Variants in DNAJC5G observed in about 807,000 individuals in gnomAD.
DNAJC5G encodes the protein dnaJ homolog subfamily C member 5G.
DNAJC5G carries 13 observed loss-of-function variants against 19.1 expected under a neutral mutation model. The observed-to-expected ratio is 0.68, with a 90% confidence interval of 0.44 to 1.08. DNAJC5G has a LOEUF of 1.08. Among genes scored for constraint, DNAJC5G ranks in the 50% least tolerant of loss-of-function variants. The probability of loss-of-function intolerance (pLI) is 0.00; values close to 1 mark genes in which losing one functional copy is unlikely to be tolerated. For missense variants in DNAJC5G, 245 were observed against 230.4 expected (o/e 1.06, Z -0.41); for synonymous variants, 81 against 84.4 (o/e 0.96, Z 0.22).
Position 27,276,271 on chromosome 2 carries a change from A to T in DNAJC5G, c.-120A>T, listed in dbSNP as rs117552569. The T allele has an allele frequency of 6.5e-6, 1 of 153,034 alleles. No individual in the cohort carries two copies. Among genetic ancestry groups the T allele is most frequent in the Admixed American group, 6.5e-5 (1 of 15,308 alleles). The allele number at this position is 153,034 out of a possible 1,614,324, so 9.5% of individuals were successfully genotyped here. A position where few individuals can be genotyped will look rare whatever the true frequency, so the allele number is the denominator to read the frequency against. On this transcript the variant is annotated 5_prime_UTR_variant, in exon 2 of 7. Transcript: ENST00000296097. ...CAAAAAACTCCGTCAAAAAAAAAAA[A>T]AAGAAGAAGAAGTTGTGGAGCTGTC...
intron 3 of DNAJC5G, among the ~76,000 whole-genome samples, chr2:27,277,170 G>A (rs563367579): frequency 3.8e-4 from 58 of 152,176 alleles, no homozygotes; most frequent in African/African-American, 1.1e-3. Flanking sequence ...TCAAACTCCT[G>A]ACCTCAGGTG....
In DNAJC5G at chr2:27,276,133, C is replaced by A. The variant is rs1028325346; in HGVS notation, c.-258C>A. On this transcript the variant is annotated 5_prime_UTR_variant, in exon 2 of 7. Coordinates refer to ENST00000296097, the MANE Select transcript of DNAJC5G (RefSeq NM_173650.3). ...AATTAGCCGGGCGTGGTGGCGTGCA[C>A]CTGTAATCTCAGCTACTCGGGAGGC... The A allele has an allele frequency of 2.0e-5, 3 of 152,206 alleles. No individual in the cohort carries two copies. The highest frequency in any genetic ancestry group is 6.6e-5 in the Admixed American group (1 of 15,250). The allele number at this position is 152,206 out of a possible 1,614,324, so 9.4% of individuals were successfully genotyped here. A position where few individuals can be genotyped will look rare whatever the true frequency, so the allele number is the denominator to read the frequency against.
At position 27,276,378 on chromosome 2, in the gene DNAJC5G, T is replaced by C. The variant is rs1350980288; in HGVS notation, c.-13T>C. 1 of 186,326 alleles carries C rather than the reference T, an allele frequency of 5.4e-6. No individual in the cohort carries two copies. The highest frequency in any genetic ancestry group is 1.5e-4 in the East Asian group (1 of 6,724). The allele number at this position is 186,326 out of a possible 1,614,324, so 11.5% of individuals were successfully genotyped here. On this transcript the variant is annotated 5_prime_UTR_variant, in exon 2 of 7. Transcript: ENST00000296097. ...GTGAGCTTGGACAGACCCAGAGGTG[T>C]TTACTCCAGGTAATAGGAGCTCTAG...
chr2:27,278,375 A>G (rs2148177059), intron 5 of DNAJC5G, 43 bp downstream of exon 5: 1 of 1,609,740 alleles, frequency 6.2e-7, no homozygotes, highest in East Asian at 2.2e-5. Context: ...AAATGTCTGG[A>G]TTGGGAATGA....
At chr2:27,276,880 C>A in intron 3 of DNAJC5G, 39 bp downstream of exon 3, 2 of 1,546,396 alleles carry the variant, frequency 1.3e-6, no homozygotes, top group Non-Finnish European at 1.8e-6. Context: ...TGGAATTTCC[C>A]CCTTAAACCT....
chr2:27,279,026 A>C (rs539614044), intron 5 of DNAJC5G, among the ~76,000 whole-genome samples: 1 of 151,784 alleles, frequency 6.6e-6, no homozygotes, highest in Non-Finnish European at 1.5e-5. Flanking sequence ...AAAAAAAGAA[A>C]GAAAGAAATG....
chr2:27,278,924 G>A (rs1340966044), intron 5 of DNAJC5G, among the ~76,000 whole-genome samples: 1 of 149,028 alleles, frequency 6.7e-6, no homozygotes, highest in Non-Finnish European at 1.5e-5. Context: ...AGAATTGCTT[G>A]AACCCGGGAG....
chr2:27,280,157 C>T lies in DNAJC5G; in HGVS notation c.521-9C>T, dbSNP rs745403864. On this transcript the variant is annotated splice_polypyrimidine_tract_variant and intron_variant, in intron 5 of 6. Coordinates refer to ENST00000296097, the MANE Select transcript of DNAJC5G (RefSeq NM_173650.3). ...TGTATATGTAAACATATATATAATT[C>T]CATCATAGGAGCCAAATGTGATTTT... 6.2e-7 allele frequency: 1 copy of T among 1,613,112 alleles called. No individual in the cohort carries two copies. The highest frequency in any genetic ancestry group is 2.2e-5 in the East Asian group (1 of 44,860).
chr2:27,276,488 TGGA>T (rs1215201419), intron 2 of DNAJC5G, 101 bp downstream of exon 2: 2 of 466,010 alleles, frequency 4.3e-6, no homozygotes, highest in African/African-American at 4.0e-5. Flanking sequence ...TCTGTGTAGC[TGGA>T]GGATGCTGGG....
intron 6 of DNAJC5G, 47 bp downstream of exon 6, chr2:27,280,280 G>A (rs1389456749): frequency 6.7e-7 from 1 of 1,497,072 alleles, no homozygotes; most frequent in Non-Finnish European, 9.3e-7. Context: ...AGAAAAGCAT[G>A]TAAGCTAACG....
rs141546081 is a variant in DNAJC5G, at chr2:27,277,827, G to A, written c.187G>A (p.Asp63Asn). 6.9e-5 allele frequency: 112 copies of A among 1,614,032 alleles called. No individual in the cohort carries two copies. Among genetic ancestry groups the A allele is most frequent in the Admixed American group, 5.0e-4 (30 of 60,000 alleles). ...GRKLALRYHP[D>N]KNPGNAQAAE... ...GAAACTGGCCTTGCGGTATCATCCC[G>A]ACAAGAATCCAGGGAATGCTCAAGC... is the stretch of plus-strand genomic sequence containing the variant. Residue 63 changes from aspartate to asparagine, a missense_variant, in exon 4 of 7, where the codon GAC becomes AAC. Asp to Asn is a conservative substitution (Grantham distance 23). Coordinates refer to ENST00000296097, the MANE Select transcript of DNAJC5G (RefSeq NM_173650.3).
chr2:27,277,087 G>A (rs1220411257), intron 3 of DNAJC5G, among the ~76,000 whole-genome samples: 3 of 151,934 alleles, frequency 2.0e-5, no homozygotes, highest in African/African-American at 4.8e-5. Context: ...GACTACAGGC[G>A]TGCACCACCA....
Position 27,278,265 on chromosome 2 carries a change from A to G in DNAJC5G, c.453A>G (p.Lys151=), listed in dbSNP as rs1255372401. 3.7e-6 allele frequency: 6 copies of G among 1,614,106 alleles called. No homozygotes were observed. Among genetic ancestry groups the G allele is most frequent in the South Asian group, 2.2e-5 (2 of 91,084 alleles). ...CCCCFCCGAL[K]PPPEQDSGRK... is the part of the protein sequence containing the mutation. ...GCTGTTTTTGCTGTGGAGCACTTAAACCACCACCTGAGCAGGATAGTGGGA... is the reference window on the plus strand; with the variant it reads ...GCTGTTTTTGCTGTGGAGCACTTAAGCCACCACCTGAGCAGGATAGTGGGA... The change falls in exon 5 of 7, where the codon AAA becomes AAG. Residue 151 remains lysine (K), a synonymous_variant. Coordinates refer to ENST00000296097, the MANE Select transcript of DNAJC5G (RefSeq NM_173650.3).
rs772541173 is a variant in DNAJC5G, at chr2:27,277,899, G to A, written c.259G>A (p.Asp87Asn). 27 of 1,614,052 alleles carry A rather than the reference G, an allele frequency of 1.7e-5. No individual in the cohort carries two copies. Among genetic ancestry groups the A allele is most frequent in the South Asian group, 4.4e-5 (4 of 91,078 alleles). The change falls in exon 4 of 7, where the codon GAC (aspartate) becomes AAC (asparagine). Residue 87 changes from aspartate to asparagine, a missense_variant. Coordinates refer to ENST00000296097, the MANE Select transcript of DNAJC5G (RefSeq NM_173650.3). ...EINAAHAILS[D>N]SKKRKIYDQH... is the part of the protein sequence containing the mutation. ...CAACGCAGCTCATGCCATACTGAGC[G>A]ACTCTAAGAAGCGGAAAATTTACGA...
At chr2:27,279,004 C>CAAAAAA (rs1227842823) in intron 5 of DNAJC5G, among the ~76,000 whole-genome samples, 2 of 56,820 alleles carry the variant, frequency 3.5e-5, no homozygotes, top group African/African-American at 5.4e-5. Context: ...GACTCCATCT[C>CAAAAAA]AAAAAAAAAA....
In DNAJC5G at chr2:27,277,767, C is replaced by T; in HGVS notation, c.127C>T (p.Leu43Phe). Residue 43 changes from leucine to phenylalanine, a missense_variant, in exon 4 of 7, where the codon CTT (leucine) becomes TTT (phenylalanine). Physicochemically the swap from Leu to Phe is conservative, Grantham distance 22 (BLOSUM62 0). Coordinates refer to ENST00000296097, the MANE Select transcript of DNAJC5G (RefSeq NM_173650.3). ...FKKSYSHSAL[L>F]PHPPFEYHLG... ...CTCCTTCCCCAGCCATTCCGCATTG[C>T]TTCCCCACCCTCCTTTTGAGTATCA... is the stretch of plus-strand genomic sequence containing the variant. The T allele has an allele frequency of 6.2e-7, 1 of 1,614,008 alleles. No individual in the cohort carries two copies. The highest frequency in any genetic ancestry group is 8.5e-7 in the Non-Finnish European group (1 of 1,179,892).
intron 1 of DNAJC5G, chr2:27,275,866 A>ACCCCCCCCCCC (rs1572502161): frequency 7.5e-5 from 7 of 93,248 alleles, no homozygotes; most frequent in African/African-American, 2.5e-4. Flanking sequence ...AGCACTCCCC[A>ACCCCCCCCCCC]CCCCCGCCCC....
intron 3 of DNAJC5G, 100 bp from the exon 4 acceptor site, chr2:27,277,654 C>T: frequency 6.8e-7 from 1 of 1,460,818 alleles, no homozygotes; most frequent in Non-Finnish European, 9.4e-7. Context: ...GAGTTTAGAC[C>T]TTGGATGCTT....
chr2:27,280,292 C>A, intron 6 of DNAJC5G, 59 bp downstream of exon 6: 1 of 1,392,484 alleles, frequency 7.2e-7, no homozygotes, highest in South Asian at 1.2e-5. Context: ...AAGCTAACGT[C>A]AGATGAGTCA....
Sources: gnomAD v4.1 joint callset for allele counts (sites outside exome capture counted in the v4.1 genomes callset) on GRCh38, gnomAD v4.1.1 for gene constraint, MANE v1.5 for transcripts, NCBI Gene and HGNC (gene_info 2026-07-23, HGNC 2026-07-21) for gene names.